The following PTPRO variants were observed in gnomAD, a reference collection of about 807,000 sequenced individuals.
The protein encoded by PTPRO is protein tyrosine phosphatase receptor type O.
In PTPRO, 62 loss-of-function variants were observed where a neutral mutation model predicts 145.2. The ratio of observed to expected loss-of-function variants is 0.43; its 90% CI spans 0.35 to 0.53. The LOEUF (loss-of-function observed/expected upper bound fraction) is 0.53. Ranked by LOEUF, PTPRO falls within the 20% of genes least tolerant of loss-of-function variation. The pLI is 0.01. For synonymous variants in PTPRO, 565 were observed against 514.7 expected (o/e 1.10, Z -1.32); for missense variants, 1,345 against 1,482.7 (o/e 0.91, Z 1.53).
intron 12 of PTPRO, among the ~76,000 whole-genome samples, chr12:15,533,847 C>A (rs944085376): frequency 1.3e-5 from 2 of 152,162 alleles, no homozygotes; most frequent in Non-Finnish European, 2.9e-5. Flanking sequence ...GGCTAACCTG[C>A]AGTTCAATTT....
intron 8 of PTPRO, 64 bp downstream of exon 8, chr12:15,515,682 A>T: frequency 1.9e-6 from 3 of 1,595,808 alleles, no homozygotes; most frequent in Non-Finnish European, 2.6e-6. Context: ...GAGGGGTGCA[A>T]TGTGCGAGCT....
chr12:15,528,601 G>A (rs904382309), intron 12 of PTPRO, among the ~76,000 whole-genome samples: 3 of 151,636 alleles, frequency 2.0e-5, no homozygotes, highest in Non-Finnish European at 4.4e-5. Context: ...GCTGAATAAG[G>A]AAGTTTACTG....
At chr12:15,343,748 T>A (rs148521529) in intron 1 of PTPRO, among the ~76,000 whole-genome samples, 244 of 152,310 alleles carry the variant, frequency 1.6e-3, no homozygotes, top group Admixed American at 2.8e-3. Flanking sequence ...TCGCCCAGGC[T>A]GGAGTGCAGT....
At chr12:15,449,124 A>AC (rs1275556466) in intron 1 of PTPRO, among the ~76,000 whole-genome samples, 1 of 5,824 alleles carries the variant, frequency 1.7e-4, no homozygotes, top group Non-Finnish European at 0.025. Context: ...ATTTACAGAC[A>AC]AAAAAAAAAA....
chr12:15,569,148 T>A (rs1029167349), intron 18 of PTPRO, among the ~76,000 whole-genome samples: 1 of 152,098 alleles, frequency 6.6e-6, no homozygotes, highest in African/African-American at 2.4e-5. Context: ...CGAGTATGCA[T>A]ATATATACTA....
intron 12 of PTPRO, among the ~76,000 whole-genome samples, chr12:15,538,566 G>C (rs957657661): frequency 2.6e-5 from 4 of 152,098 alleles, no homozygotes; most frequent in African/African-American, 9.7e-5. Flanking sequence ...CCCATCATAA[G>C]GTACTGCATA....
chr12:15,588,975 A>C (rs1445481989), intron 24 of PTPRO, among the ~76,000 whole-genome samples: 1 of 152,228 alleles, frequency 6.6e-6, no homozygotes, highest in East Asian at 1.9e-4. Flanking sequence ...CTCCATACTT[A>C]AAAATCAGTT....
intron 1 of PTPRO, among the ~76,000 whole-genome samples, chr12:15,445,760 G>A (rs1306480825): frequency 2.6e-5 from 4 of 151,880 alleles, no homozygotes; most frequent in African/African-American, 7.3e-5. Context: ...AATTGACATG[G>A]GCTTGTTACT....
chr12:15,527,243 C>T (rs545151276), intron 12 of PTPRO, among the ~76,000 whole-genome samples: 1 of 152,314 alleles, frequency 6.6e-6, no homozygotes, highest in South Asian at 2.1e-4. Flanking sequence ...GAGAATCAGG[C>T]TTCCACATTC....
chr12:15,547,753 T>C lies in PTPRO; in HGVS notation c.2304+1045T>C, dbSNP rs138932216. Among the ~76,000 whole-genome samples, 153 of 152,330 alleles carry C rather than the reference T, an allele frequency of 1.0e-3. 2 individuals are homozygous for C. Among genetic ancestry groups the C allele is most frequent in the African/African-American group, 3.5e-3 (147 of 41,578 alleles). On this transcript the variant is annotated intron_variant, in intron 13 of 26. Transcript: ENST00000281171. ...AAGAAAACAATGGTTAGTTAGCTACTTACTACAACTGAGTCCTGTTAGCAA... is the reference window on the plus strand; with the variant it reads ...AAGAAAACAATGGTTAGTTAGCTACCTACTACAACTGAGTCCTGTTAGCAA...
At chr12:15,485,504 C>G (rs1941866528) in intron 2 of PTPRO, among the ~76,000 whole-genome samples, 2 of 152,090 alleles carry the variant, frequency 1.3e-5, no homozygotes, top group African/African-American at 4.8e-5. Flanking sequence ...ACACCTAGCC[C>G]AAGCCTTATG....
In PTPRO at chr12:15,420,074, G is replaced by C. The variant is rs565430512; in HGVS notation, c.76-63900G>C. Among the ~76,000 whole-genome samples, 16 of 150,076 alleles carry C rather than the reference G, an allele frequency of 1.1e-4. No homozygotes were observed. In the East Asian group the frequency reaches 2.4e-3, roughly 22 times the overall value. Reference sequence around the variant, plus strand: ...AGGCAGGAGAACGGTGTGAAACCGGGAGGCGGAGCTTGCAGTGAGCGGAGA... The same window carrying C: ...AGGCAGGAGAACGGTGTGAAACCGGCAGGCGGAGCTTGCAGTGAGCGGAGA... On this transcript the variant is annotated intron_variant, in intron 1 of 26. Transcript: ENST00000281171.
intron 1 of PTPRO, among the ~76,000 whole-genome samples, chr12:15,444,586 G>T (rs546775494): frequency 7.8e-6 from 1 of 128,714 alleles, no homozygotes; most frequent in Admixed American, 8.6e-5. Context: ...CCCCTCCCCC[G>T]CCCAAATTTG....
intron 1 of PTPRO, among the ~76,000 whole-genome samples, chr12:15,390,525 T>TG (rs1411475305): frequency 6.6e-6 from 1 of 152,070 alleles, no homozygotes; most frequent in Non-Finnish European, 1.5e-5. Flanking sequence ...CACCTCCCAG[T>TG]GGGTCCCTCC....
intron 1 of PTPRO, among the ~76,000 whole-genome samples, chr12:15,356,811 T>C (rs1938006460): frequency 6.6e-6 from 1 of 152,180 alleles, no homozygotes; most frequent in Non-Finnish European, 1.5e-5. Flanking sequence ...TCTTTTTATT[T>C]TTCTCCTCTA....
In PTPRO at chr12:15,546,463, T is replaced by A. The variant is rs1943290983; in HGVS notation, c.2165-106T>A. On this transcript the variant is annotated intron_variant, in intron 12 of 26. Coordinates refer to ENST00000281171, the MANE Select transcript of PTPRO (RefSeq NM_030667.3). ...CAATATAAAGTCTTTATGGTGCTCT[T>A]ACCTACCTATATTTGAATTGGGGGA... 2.0e-6 allele frequency: 3 copies of A among 1,532,234 alleles called. No homozygotes were observed. In the Admixed American group the frequency reaches 6.0e-5, roughly 31 times the overall value. 94.9% of individuals were successfully genotyped at this position (1,532,234 alleles called of 1,614,324 possible).
chr12:15,568,423 C>T (rs1341843337), intron 18 of PTPRO, among the ~76,000 whole-genome samples: 1 of 143,092 alleles, frequency 7.0e-6, no homozygotes, highest in African/African-American at 2.6e-5. Flanking sequence ...GAGTGAGACT[C>T]TGTCTCAAAA....
intron 1 of PTPRO, among the ~76,000 whole-genome samples, chr12:15,385,212 A>C (rs1938984897): frequency 6.6e-6 from 1 of 152,186 alleles, no homozygotes; most frequent in Admixed American, 6.5e-5. Flanking sequence ...TCCAGATACA[A>C]AGTGTGTTAA....
chr12:15,479,263 C>A (rs1372704652), intron 1 of PTPRO, among the ~76,000 whole-genome samples: 1 of 152,156 alleles, frequency 6.6e-6, no homozygotes, highest in Non-Finnish European at 1.5e-5. Flanking sequence ...AGAACAAGCC[C>A]TTCCTCTAGA....
Sources: allele counts gnomAD v4.1 joint callset (sites outside exome capture counted in the v4.1 genomes callset), GRCh38; gene constraint gnomAD v4.1.1; transcripts MANE v1.5; gene names NCBI Gene and HGNC (gene_info 2026-07-23, HGNC 2026-07-21).